Variants in PSMB3 observed in about 807,000 individuals in gnomAD.
PSMB3 encodes the protein proteasome subunit beta type-3.
Under a neutral mutation model 23.3 loss-of-function variants are expected in PSMB3, and 5 were observed. The observed-to-expected ratio is 0.21, with a 90% confidence interval of 0.11 to 0.45. The LOEUF is 0.45. PSMB3 is among the 20% of genes least tolerant of loss of function. The pLI is 0.99. For synonymous variants in PSMB3, 85 were observed against 99.8 expected, an observed-to-expected ratio of 0.85 and a Z score of 0.88; for missense variants, 192 against 277.9, an observed-to-expected ratio of 0.69 and a Z score of 2.20.
At chr17:38,753,074 C>A (rs1725761595) in intron 1 of PSMB3, 76 bp from the exon 2 acceptor site, 4 of 1,452,516 alleles carry the variant, frequency 2.8e-6, no homozygotes, top group Admixed American at 2.3e-5. Flanking sequence ...ACAGGAGCCT[C>A]CGCATCAGGA....
Position 38,752,977 on chromosome 17 carries a change from G to A in PSMB3, c.3+148G>A. Reference sequence around the variant, plus strand: ...AGCGGGCCCCGGTGAGGACCAAGAGGGTGAGTGCGGCTCATTGCCGCCACA... The same window carrying A: ...AGCGGGCCCCGGTGAGGACCAAGAGAGTGAGTGCGGCTCATTGCCGCCACA... On this transcript the variant is annotated intron_variant, in intron 1 of 5. Coordinates refer to ENST00000619426, the MANE Select transcript of PSMB3 (RefSeq NM_002795.4). The surrounding 1 kb of genome is among the most constrained non-coding windows in gnomAD (Gnocchi z 5.5). 7.5e-7 allele frequency: 1 copy of A among 1,336,182 alleles called. No homozygotes were observed. The highest frequency in any genetic ancestry group is 1.5e-5 in the African/African-American group (1 of 68,864). 82.8% of individuals were successfully genotyped at this position (1,336,182 alleles called of 1,614,324 possible).
At chr17:38,763,965 G>C (rs557253603) in intron 5 of PSMB3, among the ~76,000 whole-genome samples, 154 bp from the exon 6 acceptor site, 1 of 152,330 alleles carries the variant, frequency 6.6e-6, no homozygotes, top group East Asian at 1.9e-4. Context: ...GAATGAACTA[G>C]AGCAGGATAG....
intron 2 of PSMB3, among the ~76,000 whole-genome samples, chr17:38,753,726 G>A (rs1908040752): frequency 6.6e-6 from 1 of 152,188 alleles, no homozygotes; most frequent in South Asian, 2.1e-4. Context: ...TGATCCACCT[G>A]CCTCAGCCTC....
At chr17:38,756,109 C>T in intron 3 of PSMB3, 119 bp downstream of exon 3, 1 of 831,260 alleles carries the variant, frequency 1.2e-6, no homozygotes, top group Non-Finnish European at 1.9e-6. Context: ...GGATAATATC[C>T]TTATTTTATG....
chr17:38,753,153 ATT>A lies in PSMB3; in HGVS notation c.8_9del (p.Ile3AsnfsTer4). On this transcript the variant is annotated frameshift_variant, in exon 2 of 6. Coordinates refer to ENST00000619426, the MANE Select transcript of PSMB3 (RefSeq NM_002795.4). LOFTEE classifies it high-confidence loss of function. ...CCCTCCGCTCTGTCTGTCCTAGTCT[ATT>A]ATGTCCTATAACGGAGGGGCCGTCA... Reference protein sequence around the residue: MSIMSYNGGAVMA... With the variant: MSXMSYNGGAVMA... The A allele has an allele frequency of 6.2e-7, 1 of 1,613,850 alleles. No individual in the cohort carries two copies. The highest frequency in any genetic ancestry group is 8.5e-7 in the Non-Finnish European group (1 of 1,179,866).
intron 3 of PSMB3, among the ~76,000 whole-genome samples, chr17:38,757,549 G>A (rs969069646): frequency 6.6e-6 from 1 of 151,672 alleles, no homozygotes; most frequent in Non-Finnish European, 1.5e-5. Context: ...GGGCGTGGTG[G>A]CTCATGCCTG....
intron 5 of PSMB3, among the ~76,000 whole-genome samples, chr17:38,763,420 G>A (rs1444086135): frequency 1.3e-5 from 2 of 149,726 alleles, no homozygotes; most frequent in Non-Finnish European, 3.0e-5. Context: ...TTTTTTTTAT[G>A]TTCTTTGGGG....
rs66894167 is a variant in PSMB3, at chr17:38,755,646, T to TAAAAAA, written c.189-228_189-223dup. 3.4e-3 allele frequency among the ~76,000 whole-genome samples: 223 copies of TAAAAAA among 66,398 alleles called. 1 individual carries two copies. Among genetic ancestry groups the TAAAAAA allele is most frequent in the Admixed American group, 0.026 (114 of 4,440 alleles). 43.6% of individuals were successfully genotyped at this position (66,398 alleles called of 152,430 possible). ...CCTGGGCGACGAGTGAGACTCCGTCTAAAAAAAAAAAAAATATATATATAT... is the reference window on the plus strand; with the variant it reads ...CCTGGGCGACGAGTGAGACTCCGTCTAAAAAAAAAAAAAAAAAAAATATATATATAT... On this transcript the variant is annotated intron_variant, in intron 2 of 5. Coordinates refer to ENST00000619426, the MANE Select transcript of PSMB3 (RefSeq NM_002795.4).
chr17:38,762,300 A>G, intron 4 of PSMB3, 111 bp from the exon 5 acceptor site: 1 of 870,758 alleles, frequency 1.1e-6, no homozygotes, highest in African/African-American at 1.7e-5. Context: ...TACTTCAGGC[A>G]TGTCTTGGGG....
chr17:38,759,133 G>A (rs1024665279), intron 3 of PSMB3, among the ~76,000 whole-genome samples: 1 of 152,190 alleles, frequency 6.6e-6, no homozygotes, highest in Non-Finnish European at 1.5e-5. Context: ...GAGGATATTG[G>A]CCATTTGTTA....
Position 38,760,605 on chromosome 17 carries a change from C to T in PSMB3, c.471C>T (p.Asn157=). The T allele has an allele frequency of 6.2e-7, 1 of 1,614,204 alleles. No individual in the cohort carries two copies. The highest frequency in any genetic ancestry group is 8.5e-7 in the Non-Finnish European group (1 of 1,180,026). ...TGTGTGAGTCCCTCTGGGAGCCCAA[C>T]ATGGTACGTTGGTGGCATGGAGAGG... The part of the protein sequence containing the change: ...YGMCESLWEP[N]MDPDHLFETI... The change falls in exon 4 of 6, where the codon AAC becomes AAT. Residue 157 remains asparagine (N), a synonymous_variant. Transcript: ENST00000619426.
chr17:38,761,017 T>C (rs1908410632), intron 4 of PSMB3, among the ~76,000 whole-genome samples: 1 of 152,138 alleles, frequency 6.6e-6, no homozygotes, highest in African/African-American at 2.4e-5. Flanking sequence ...CTCCACTACC[T>C]TGACTGTAAA....
chr17:38,760,770 A>AGGCT (rs1420759742), intron 4 of PSMB3, among the ~76,000 whole-genome samples, 162 bp downstream of exon 4: 1 of 152,252 alleles, frequency 6.6e-6, no homozygotes. Context: ...TCCATCTGCC[A>AGGCT]GGCTGGCTGG....
At chr17:38,755,244 T>C (rs928281333) in intron 2 of PSMB3, 1 of 152,194 alleles carries the variant, frequency 6.6e-6, no homozygotes, top group African/African-American at 2.4e-5. Context: ...GTGCTGGGAT[T>C]ACAGGTGTGA....
chr17:38,760,264 CAGG>C (rs1275854697), intron 3 of PSMB3, 164 bp from the exon 4 acceptor site: 29 of 620,030 alleles, frequency 4.7e-5, no homozygotes, highest in Non-Finnish European at 7.5e-5. Context: ...TTCTAGCTGG[CAGG>C]AGAAGGGAGA....
chr17:38,754,355 A>T (rs1486840819), intron 2 of PSMB3, among the ~76,000 whole-genome samples: 1 of 152,194 alleles, frequency 6.6e-6, no homozygotes, highest in Non-Finnish European at 1.5e-5. Flanking sequence ...CTGTAATCCC[A>T]GCTACTCGGG....
intron 3 of PSMB3, among the ~76,000 whole-genome samples, chr17:38,760,174 A>G (rs1429823750): frequency 2.6e-5 from 4 of 152,232 alleles, no homozygotes; most frequent in South Asian, 2.1e-4. Flanking sequence ...TGAAAGAAAG[A>G]AGGAGCACAA....
chr17:38,758,209 T>G (rs1908289885), intron 3 of PSMB3, among the ~76,000 whole-genome samples: 1 of 152,210 alleles, frequency 6.6e-6, no homozygotes, highest in Non-Finnish European at 1.5e-5. Context: ...GAAAAATCAC[T>G]GATTTCAGAT....
intron 2 of PSMB3, among the ~76,000 whole-genome samples, chr17:38,754,523 C>A (rs751204947): frequency 6.6e-6 from 1 of 152,096 alleles, no homozygotes; most frequent in Non-Finnish European, 1.5e-5. Context: ...TCTCTTAAAA[C>A]TCCCTGAGTC....
Sources: allele counts gnomAD v4.1 joint callset (sites outside exome capture counted in the v4.1 genomes callset), GRCh38; gene constraint gnomAD v4.1.1; non-coding constraint Gnocchi (gnomAD v3.1); transcripts MANE v1.5; gene names NCBI Gene and HGNC (gene_info 2026-07-23, HGNC 2026-07-21).